FAF1: variants seen among roughly 807,000 people sequenced by gnomAD.
The protein encoded by FAF1 is FAS-associated factor 1.
FAF1 carries 25 observed loss-of-function variants against 92.5 expected under a neutral mutation model. That is an observed-to-expected ratio of 0.27 (90% confidence interval 0.20 to 0.38). FAF1 has a LOEUF of 0.38. Ranked by LOEUF, FAF1 falls within the 10% of genes least tolerant of loss-of-function variation. FAF1 has a pLI of 1.00. For missense variants in FAF1, 636 were observed against 793.3 expected (o/e 0.80, Z 2.38); for synonymous variants, 234 against 273.2 (o/e 0.86, Z 1.42).
intron 7 of FAF1, among the ~76,000 whole-genome samples, chr1:50,677,285 C>T (rs1264113335): frequency 6.6e-6 from 1 of 152,176 alleles, no homozygotes; most frequent in East Asian, 1.9e-4. Flanking sequence ...TGCCTGCTCA[C>T]ATACTCTAGC....
intron 7 of FAF1, among the ~76,000 whole-genome samples, chr1:50,700,329 T>C (rs1172666813): frequency 6.6e-6 from 1 of 152,062 alleles, no homozygotes; most frequent in Non-Finnish European, 1.5e-5. Context: ...CTCTCTCTCT[T>C]CTCAAATCAT....
intron 2 of FAF1, among the ~76,000 whole-genome samples, chr1:50,828,987 A>G (rs1339604180): frequency 6.6e-5 from 10 of 152,218 alleles, no homozygotes; most frequent in African/African-American, 2.2e-4. Flanking sequence ...GAAAAGAAAA[A>G]GATTTGAATA....
chr1:50,510,207 C>T (rs1647116561), intron 15 of FAF1, among the ~76,000 whole-genome samples: 1 of 150,610 alleles, frequency 6.6e-6, no homozygotes, highest in South Asian at 2.1e-4. Context: ...ACTCCAGTAA[C>T]TAGATTAACA....
intron 15 of FAF1, among the ~76,000 whole-genome samples, chr1:50,498,487 T>A (rs1274483299): frequency 6.6e-6 from 1 of 152,182 alleles, no homozygotes; most frequent in Non-Finnish European, 1.5e-5. Flanking sequence ...TTGCACGTGA[T>A]GTCTGATAAA....
chr1:50,478,702 T>C (rs1379005364), intron 17 of FAF1, among the ~76,000 whole-genome samples: 1 of 152,218 alleles, frequency 6.6e-6, no homozygotes, highest in African/African-American at 2.4e-5. Context: ...TGTACAACCA[T>C]CACTACTATT....
In FAF1 at chr1:50,876,743, C is replaced by G. The variant is rs1300610028; in HGVS notation, c.46-18746G>C. Reference sequence around the variant, plus strand: ...TGGGATTACAGGAGCACCACCACACCTGGCTAATGTTTGTATTTTTAGTAG... The same window carrying G: ...TGGGATTACAGGAGCACCACCACACGTGGCTAATGTTTGTATTTTTAGTAG... On this transcript the variant is annotated intron_variant, in intron 1 of 18. Transcript: ENST00000396153. Among the ~76,000 whole-genome samples the G allele has an allele frequency of 2.0e-5, 3 of 152,062 alleles. No individual in the cohort carries two copies. The East Asian group carries it at 5.8e-4, about 29-fold the overall frequency.
At chr1:50,764,107 C>CT (rs1160725370) in intron 4 of FAF1, among the ~76,000 whole-genome samples, 1 of 151,972 alleles carries the variant, frequency 6.6e-6, no homozygotes, top group Non-Finnish European at 1.5e-5. Context: ...TTTCTCATTA[C>CT]TTTTTTTGTT....
intron 1 of FAF1, among the ~76,000 whole-genome samples, chr1:50,955,134 C>T (rs1023189628): frequency 6.6e-6 from 1 of 152,168 alleles, no homozygotes; most frequent in African/African-American, 2.4e-5. Flanking sequence ...CAAATAGGGT[C>T]TCAAAAGTTT....
At chr1:50,920,436 C>T (rs1337785261) in intron 1 of FAF1, among the ~76,000 whole-genome samples, 1 of 152,156 alleles carries the variant, frequency 6.6e-6, no homozygotes, top group East Asian at 1.9e-4. Context: ...CCCTGATTGC[C>T]TGGCTCATGT....
chr1:50,828,491 G>C (rs992845541), intron 2 of FAF1, among the ~76,000 whole-genome samples: 1 of 152,044 alleles, frequency 6.6e-6, no homozygotes, highest in East Asian at 1.9e-4. Context: ...GGATGTTTTC[G>C]ATCTCCTGAC....
At chr1:50,675,018 GT>G (rs1656057864) in intron 7 of FAF1, among the ~76,000 whole-genome samples, 1 of 152,082 alleles carries the variant, frequency 6.6e-6, no homozygotes, top group South Asian at 2.1e-4. Flanking sequence ...AGCCTCCCAA[GT>G]AGCAGGGATT....
rs530064334 is a variant in FAF1, at chr1:50,444,312, C to T, written c.1870-2789G>A. Among the ~76,000 whole-genome samples, 211 of 152,272 alleles carry T rather than the reference C, an allele frequency of 1.4e-3. 1 individual carries two copies. Among genetic ancestry groups the T allele is most frequent in the African/African-American group, 4.9e-3 (205 of 41,552 alleles). The stretch of plus-strand genomic sequence containing the variant: ...GAAAGAGCCTAAAAGCTATGTTCTC[C>T]GAGAGACAGCTAAAGAATGGGAGAT... On this transcript the variant is annotated intron_variant, in intron 18 of 18. Coordinates refer to ENST00000396153, the MANE Select transcript of FAF1 (RefSeq NM_007051.3).
At chr1:50,523,466 T>C (rs760560099) in intron 15 of FAF1, among the ~76,000 whole-genome samples, 3 of 152,208 alleles carry the variant, frequency 2.0e-5, no homozygotes, top group African/African-American at 2.4e-5. Flanking sequence ...CTTCTAGGTA[T>C]GAAGTGGCAT....
intron 8 of FAF1, among the ~76,000 whole-genome samples, chr1:50,647,089 TCCAC>T (rs879936322): frequency 1.3e-5 from 2 of 152,126 alleles, no homozygotes; most frequent in African/African-American, 2.4e-5. Flanking sequence ...TCTCAAGCAA[TCCAC>T]CTGCCTCAGC....
chr1:50,640,829 ATTTTTTT>A (rs71059592), intron 8 of FAF1, among the ~76,000 whole-genome samples: 11 of 88,516 alleles, frequency 1.2e-4, no homozygotes, highest in Non-Finnish European at 1.6e-4. Flanking sequence ...TTATCAGCTG[ATTTTTTT>A]TTTTTTTTTT....
chr1:50,677,895 C>CA (rs1036524797), intron 7 of FAF1, among the ~76,000 whole-genome samples: 2,903 of 62,230 alleles, frequency 0.047, 68 homozygotes, highest in Middle Eastern at 0.089. Context: ...AACTCTGCCT[C>CA]AAAAAAAAAA....
intron 13 of FAF1, among the ~76,000 whole-genome samples, chr1:50,545,691 A>G (rs546919857): frequency 6.6e-6 from 1 of 152,258 alleles, no homozygotes; most frequent in Non-Finnish European, 1.5e-5. Context: ...AGTCACTACT[A>G]TACACTGTTA....
intron 2 of FAF1, among the ~76,000 whole-genome samples, chr1:50,824,632 A>C (rs531419122): frequency 3.9e-5 from 6 of 152,298 alleles, no homozygotes; most frequent in Admixed American, 2.0e-4. Flanking sequence ...TCCAAAGAAG[A>C]GATAGTTGCA....
intron 1 of FAF1, among the ~76,000 whole-genome samples, chr1:50,862,702 C>T (rs945367484): frequency 6.6e-6 from 1 of 151,658 alleles, no homozygotes; most frequent in African/African-American, 2.4e-5. Flanking sequence ...GAAAGATATT[C>T]CAGGCAAATG....
Sources: gnomAD v4.1 joint callset for allele counts (sites outside exome capture counted in the v4.1 genomes callset) on GRCh38, gnomAD v4.1.1 for gene constraint, MANE v1.5 for transcripts, NCBI Gene and HGNC (gene_info 2026-07-23, HGNC 2026-07-21) for gene names.